PCDHA4: variants seen among roughly 807,000 people sequenced by gnomAD.
PCDHA4 encodes the protein protocadherin alpha 4, also known as protocadherin alpha-4.
PCDHA4 carries 49 observed loss-of-function variants against 61.4 expected under a neutral mutation model. The observed-to-expected ratio is 0.80, with a 90% CI of 0.63 to 1.01. The LOEUF is 1.01. Ranked by LOEUF, PCDHA4 falls within the 50% of genes least tolerant of loss-of-function variation. PCDHA4 has a pLI of 0.00. For synonymous variants in PCDHA4, 590 were observed against 550.3 expected (o/e 1.07, Z -1.01); for missense variants, 1,254 against 1,235.8 (o/e 1.01, Z -0.22).
chr5:140,926,742 C>G (rs1454782151), intron 1 of PCDHA4: 2 of 1,199,338 alleles, frequency 1.7e-6, no homozygotes, highest in East Asian at 5.8e-5. Context: ...GGAGGCGCAA[C>G]GTCGGCGGTC....
At chr5:141,006,689 G>C (rs1249412460) in intron 3 of PCDHA4, among the ~76,000 whole-genome samples, 3 of 152,072 alleles carry the variant, frequency 2.0e-5, no homozygotes, top group African/African-American at 7.2e-5. Flanking sequence ...TGGGAGAAGA[G>C]GACAGAGTCA....
At position 140,821,623 on chromosome 5, in the gene PCDHA4, T is replaced by C. The variant is rs1360154097; in HGVS notation, c.2385+12051T>C. On this transcript the variant is annotated intron_variant, in intron 1 of 3. Transcript: ENST00000530339. ...AGGAATACAGTGAGTAGATTTTCCT[T>C]AGACAGAAAGGAAAAGAACCTTCCA... The C allele has an allele frequency of 5.5e-6, 5 of 902,228 alleles. No individual in the cohort carries two copies. In the East Asian group the frequency reaches 1.3e-4, roughly 24 times the overall value. The allele number at this position is 902,228 out of a possible 1,614,324, so 55.9% of individuals were successfully genotyped here.
At chr5:140,969,342 G>T (rs1216517284) in intron 1 of PCDHA4, 2 of 1,613,512 alleles carry the variant, frequency 1.2e-6, no homozygotes, top group Non-Finnish European at 1.7e-6. Flanking sequence ...GTGAGACAGT[G>T]GTCAGGGGGT....
intron 1 of PCDHA4, chr5:140,829,494 A>G (rs1366081374): frequency 1.9e-6 from 3 of 1,613,224 alleles, no homozygotes; most frequent in Admixed American, 3.3e-5. Flanking sequence ...AAGGAGAACA[A>G]CCCGCCGGGC....
intron 1 of PCDHA4, chr5:140,822,163 C>T: frequency 6.2e-7 from 1 of 1,614,250 alleles, no homozygotes; most frequent in Non-Finnish European, 8.5e-7. Context: ...TGACAATCCG[C>T]CCAGGTTCTC....
intron 1 of PCDHA4, among the ~76,000 whole-genome samples, chr5:140,884,922 T>C (rs1253595342): frequency 6.6e-6 from 1 of 152,246 alleles, no homozygotes; most frequent in African/African-American, 2.4e-5. Context: ...TAGTTCTAAG[T>C]ATTTATCTTG....
chr5:140,881,659 T>C (rs2058783076), intron 1 of PCDHA4, among the ~76,000 whole-genome samples: 1 of 152,240 alleles, frequency 6.6e-6, no homozygotes, highest in African/African-American at 2.4e-5. Flanking sequence ...CTTCACCGAT[T>C]TTATTCTTAT....
chr5:140,870,883 C>A (rs782137761), intron 1 of PCDHA4: 1 of 1,613,920 alleles, frequency 6.2e-7, no homozygotes, highest in Non-Finnish European at 8.5e-7. Context: ...GGCGAAGGTG[C>A]GCGCAGTGGA....
chr5:140,948,670 A>G (rs951520840), intron 1 of PCDHA4, among the ~76,000 whole-genome samples: 1 of 151,654 alleles, frequency 6.6e-6, no homozygotes. Context: ...TAGTGATAAC[A>G]TCTTTTTCAT....
intron 1 of PCDHA4, among the ~76,000 whole-genome samples, chr5:140,978,595 G>A (rs2096811492): frequency 6.6e-6 from 1 of 152,214 alleles, no homozygotes; most frequent in African/African-American, 2.4e-5. Flanking sequence ...CCTTAATGGG[G>A]CACTTGAGGG....
chr5:140,836,713 C>T, intron 1 of PCDHA4: 2 of 1,613,054 alleles, frequency 1.2e-6, no homozygotes, highest in Non-Finnish European at 1.7e-6. Flanking sequence ...CCCAGCCTTC[C>T]TCAGGGTCCA....
intron 1 of PCDHA4, among the ~76,000 whole-genome samples, chr5:140,838,786 G>C (rs1554137197): frequency 6.6e-6 from 1 of 151,962 alleles, no homozygotes; most frequent in African/African-American, 2.4e-5. Context: ...GCTATGCATG[G>C]TGATGCATGT....
intron 1 of PCDHA4, chr5:140,875,344 A>C: frequency 6.9e-7 from 1 of 1,442,996 alleles, no homozygotes; most frequent in Non-Finnish European, 9.1e-7. Flanking sequence ...TCGACTCCAT[A>C]ATGACTGTGA....
chr5:140,844,144 A>G (rs1289976032), intron 1 of PCDHA4, among the ~76,000 whole-genome samples: 1 of 149,504 alleles, frequency 6.7e-6, no homozygotes, highest in Non-Finnish European at 1.5e-5. Context: ...TGTTGTCTTT[A>G]TATTTACTTT....
rs1554168160 is a variant in PCDHA4 at position 140,875,992 on chromosome 5, CT to C, written c.2385+66421del. 5 of 1,613,752 alleles carry C rather than the reference CT, an allele frequency of 3.1e-6. No homozygotes were observed. In the Admixed American group the frequency reaches 8.3e-5, roughly 27 times the overall value. On this transcript the variant is annotated intron_variant, in intron 1 of 3. Transcript: ENST00000530339. ...CTCTCTTTTGACCTATGCGTTAAGT[CT>C]AAATGAGAATTTTGAGCTTAAAATA...
Position 140,888,156 on chromosome 5 carries a change from A to T in PCDHA4, c.2385+78584A>T, listed in dbSNP as rs556908449. 2.0e-5 allele frequency among the ~76,000 whole-genome samples: 3 copies of T among 152,300 alleles called. No homozygotes were observed. In the South Asian group the frequency reaches 6.2e-4, roughly 32 times the overall value. On this transcript the variant is annotated intron_variant, in intron 1 of 3. Coordinates refer to ENST00000530339, the MANE Select transcript of PCDHA4 (RefSeq NM_018907.4). ...TTTCTTGCTGTTTTGCATGACTGGT[A>T]ATCTCTAATAAGATGCTAGACATTG...
chr5:140,855,917 G>A, intron 1 of PCDHA4: 1 of 1,202,824 alleles, frequency 8.3e-7, no homozygotes, highest in South Asian at 1.6e-5. Flanking sequence ...TCAAGGACTA[G>A]GAAGTAGCGT....
intron 1 of PCDHA4, chr5:140,928,113 G>C: frequency 6.2e-7 from 1 of 1,614,228 alleles, no homozygotes; most frequent in Admixed American, 1.7e-5. Context: ...ACCGGGAGCA[G>C]ATCAGTGAAT....
At chr5:141,005,696 C>A (rs1269379462) in intron 3 of PCDHA4, among the ~76,000 whole-genome samples, 1 of 105,034 alleles carries the variant, frequency 9.5e-6, no homozygotes, top group African/African-American at 4.2e-5. Flanking sequence ...AGCGAAACTC[C>A]GTCTCAAAAA....
Sources: gnomAD v4.1 joint callset for allele counts (sites outside exome capture counted in the v4.1 genomes callset) on GRCh38, gnomAD v4.1.1 for gene constraint, MANE v1.5 for transcripts, NCBI Gene and HGNC (gene_info 2026-07-23, HGNC 2026-07-21) for gene names.